The following WASHC3 variants were observed in gnomAD, a reference collection of about 807,000 sequenced individuals.
The protein encoded by WASHC3 is WASH complex subunit CCDC53.
In WASHC3, 24 loss-of-function variants were observed where a neutral mutation model predicts 26.1. That is an observed-to-expected ratio of 0.92 (90% CI 0.66 to 1.29). The LOEUF is 1.29. Ranked by LOEUF, WASHC3 falls within the 50% of genes most tolerant of loss-of-function variation. The pLI is 0.00. For missense variants in WASHC3, 214 were observed against 229.6 expected (o/e 0.93, Z 0.44); for synonymous variants, 77 against 75.7 (o/e 1.02, Z -0.09).
In WASHC3 at chr12:102,061,356, G is replaced by A; in HGVS notation, c.52-10C>T. 1 of 1,590,424 alleles carries A rather than the reference G, an allele frequency of 6.3e-7. No individual in the cohort carries two copies. Among genetic ancestry groups the A allele is most frequent in the Non-Finnish European group, 8.6e-7 (1 of 1,158,738 alleles). On this transcript the variant is annotated splice_polypyrimidine_tract_variant and intron_variant, in intron 1 of 6. Coordinates refer to ENST00000240079, the MANE Select transcript of WASHC3 (RefSeq NM_016053.4). ...GTTGAATAGCTGGCACCTGTGTTACGTAAAAACAAACATGGTTCATACAGG... is the reference window on the plus strand; with the variant it reads ...GTTGAATAGCTGGCACCTGTGTTACATAAAAACAAACATGGTTCATACAGG...
chr12:102,059,255 G>A (rs1878712722), intron 2 of WASHC3, among the ~76,000 whole-genome samples: 2 of 152,054 alleles, frequency 1.3e-5, no homozygotes, highest in African/African-American at 4.8e-5. Context: ...AGCTTGGTTT[G>A]GCCATTCCAC....
In WASHC3 at chr12:102,013,125, A is replaced by T; in HGVS notation, c.568T>A (p.Ser190Thr). Residue 190 changes from serine to threonine, a missense_variant, in exon 7 of 7, where the codon TCT becomes ACT. Ser to Thr is a moderately conservative substitution (Grantham distance 58). Coordinates refer to ENST00000240079, the MANE Select transcript of WASHC3 (RefSeq NM_016053.4). ...KTVEESSDSESSFSD is the reference protein window; with the variant it reads ...KTVEESSDSETSFSD ...AATTAAGCTTAATCACTAAAAGAAG[A>T]TTCGCTATCTGAACTTTCTTCTACA... The T allele has an allele frequency of 6.6e-7, 1 of 1,505,416 alleles. No homozygotes were observed. The allele number at this position is 1,505,416 out of a possible 1,614,324, so 93.3% of individuals were successfully genotyped here.
chr12:102,046,108 G>C lies in WASHC3; in HGVS notation c.162C>G (p.Asp54Glu), dbSNP rs1176488837. 1.3e-6 allele frequency: 2 copies of C among 1,592,056 alleles called. No homozygotes were observed. Among genetic ancestry groups the C allele is most frequent in the South Asian group, 2.3e-5 (2 of 88,054 alleles). ...FSTVCEEKLA[D>E]LSLRIQQIET... ...CAATTTGTTGGATACGAAGTGAAAGGTCTGCCAGTTTCTGTAAAAGAAAAA... is the reference window on the plus strand; with the variant it reads ...CAATTTGTTGGATACGAAGTGAAAGCTCTGCCAGTTTCTGTAAAAGAAAAA... Residue 54 changes from aspartate to glutamate, a missense_variant, in exon 3 of 7, where the codon GAC (aspartate) becomes GAG (glutamate). Asp to Glu is a conservative substitution (Grantham distance 45). Transcript: ENST00000240079.
At chr12:102,026,361 C>G (rs1877187259) in intron 5 of WASHC3, among the ~76,000 whole-genome samples, 2 of 152,104 alleles carry the variant, frequency 1.3e-5, no homozygotes, top group Admixed American at 1.3e-4. Flanking sequence ...ACTCAAATGA[C>G]TAAAATACCA....
At chr12:102,015,276 G>A (rs1225061151) in intron 6 of WASHC3, among the ~76,000 whole-genome samples, 4 of 151,902 alleles carry the variant, frequency 2.6e-5, no homozygotes, top group Non-Finnish European at 5.9e-5. Flanking sequence ...GGGCAACAGA[G>A]TGAAACCCTG....
chr12:102,043,681 C>T (rs575795993), intron 4 of WASHC3: 1 of 152,310 alleles, frequency 6.6e-6, no homozygotes, highest in African/African-American at 2.4e-5. Context: ...GGTGAGATGA[C>T]AAGATGTCTG....
chr12:102,038,996 T>A (rs1042516600), intron 5 of WASHC3, among the ~76,000 whole-genome samples: 1 of 151,994 alleles, frequency 6.6e-6, no homozygotes, highest in African/African-American at 2.4e-5. Context: ...CTCTGTCACC[T>A]ACGCTGAAGT....
chr12:102,052,187 G>C (rs1231273849), intron 2 of WASHC3, among the ~76,000 whole-genome samples: 2 of 151,894 alleles, frequency 1.3e-5, no homozygotes, highest in Admixed American at 1.3e-4. Flanking sequence ...CACTGAAGAG[G>C]GTAAGAAGGA....
chr12:102,056,704 A>G (rs1319392640), intron 2 of WASHC3, among the ~76,000 whole-genome samples: 4 of 152,208 alleles, frequency 2.6e-5, no homozygotes, highest in African/African-American at 4.8e-5. Flanking sequence ...ACAACCTATC[A>G]AGACTAAATC....
At chr12:102,020,575 T>G (rs1247098969) in intron 6 of WASHC3, among the ~76,000 whole-genome samples, 5 of 152,192 alleles carry the variant, frequency 3.3e-5, no homozygotes, top group African/African-American at 1.2e-4. Flanking sequence ...ATAAAGAGTT[T>G]AAAAACATTT....
intron 6 of WASHC3, among the ~76,000 whole-genome samples, chr12:102,021,721 C>T (rs572110287): frequency 8.5e-5 from 13 of 152,236 alleles, no homozygotes; most frequent in South Asian, 6.2e-4. Flanking sequence ...TATCCTCAAC[C>T]GGCCAAAACT....
intron 2 of WASHC3, among the ~76,000 whole-genome samples, chr12:102,056,363 C>G (rs1409559245): frequency 1.3e-5 from 2 of 152,116 alleles, no homozygotes; most frequent in Admixed American, 1.3e-4. Context: ...TACTGGAGAC[C>G]ATTGCAGTGA....
chr12:102,029,975 C>T (rs1013885117), intron 5 of WASHC3, among the ~76,000 whole-genome samples: 1 of 152,142 alleles, frequency 6.6e-6, no homozygotes, highest in Non-Finnish European at 1.5e-5. Context: ...TCTTTGCCTT[C>T]TGAATTTCAA....
In WASHC3 at chr12:102,057,672, C is replaced by CA. The variant is rs200426033; in HGVS notation, c.150+3575dup. Among the ~76,000 whole-genome samples the CA allele has an allele frequency of 5.9e-3, 894 of 150,526 alleles. 11 individuals carry two copies. The highest frequency in any genetic ancestry group is 0.02 in the African/African-American group (837 of 41,040). ...AAAAAAATCTCATTTACAATAGCTACAAAAAAAATACATAGGGGTAAATTT... is the reference window on the plus strand; with the variant it reads ...AAAAAAATCTCATTTACAATAGCTACAAAAAAAAATACATAGGGGTAAATTT... On this transcript the variant is annotated intron_variant, in intron 2 of 6. Transcript: ENST00000240079.
At chr12:102,050,149 C>CA (rs1878328909) in intron 2 of WASHC3, 1 of 334,518 alleles carries the variant, frequency 3.0e-6, no homozygotes, top group African/African-American at 2.2e-5. Context: ...CCTGTCTCTA[C>CA]AAAAAATACA....
At chr12:102,027,993 A>AT (rs1217056183) in intron 5 of WASHC3, among the ~76,000 whole-genome samples, 1 of 152,154 alleles carries the variant, frequency 6.6e-6, no homozygotes, top group Non-Finnish European at 1.5e-5. Flanking sequence ...CCATGAGGCA[A>AT]TTTTAAAGAT....
chr12:102,045,105 T>TAA (rs146922435), intron 3 of WASHC3, among the ~76,000 whole-genome samples: 1 of 148,436 alleles, frequency 6.7e-6, no homozygotes, highest in Admixed American at 6.7e-5. Flanking sequence ...GAATAATAAT[T>TAA]AAAAAAAAAA....
intron 5 of WASHC3, among the ~76,000 whole-genome samples, chr12:102,035,285 G>A (rs1052708214): frequency 2.0e-5 from 3 of 152,148 alleles, no homozygotes; most frequent in African/African-American, 2.4e-5. Context: ...AACTATTTGC[G>A]CCTAAGTTTG....
chr12:102,031,701 T>TC (rs1877445132), intron 5 of WASHC3, among the ~76,000 whole-genome samples: 1 of 152,024 alleles, frequency 6.6e-6, no homozygotes, highest in Non-Finnish European at 1.5e-5. Flanking sequence ...CCACAAACCT[T>TC]CATGTACTCA....
Sources: gnomAD v4.1 joint callset for allele counts (sites outside exome capture counted in the v4.1 genomes callset) on GRCh38, gnomAD v4.1.1 for gene constraint, MANE v1.5 for transcripts, NCBI Gene and HGNC (gene_info 2026-07-23, HGNC 2026-07-21) for gene names.